Variants in ARMC2 observed in about 807,000 individuals in gnomAD.
The protein encoded by ARMC2 is armadillo repeat containing 2.
ARMC2 carries 67 observed loss-of-function variants against 90.3 expected under a neutral mutation model. That is an observed-to-expected ratio of 0.74 (90% CI 0.61 to 0.91). The LOEUF (loss-of-function observed/expected upper bound fraction) is 0.91, where lower values mean the gene tolerates loss of function less well. Among genes scored for constraint, ARMC2 ranks in the 40% least tolerant of loss-of-function variants. ARMC2 has a pLI of 0.00. For synonymous variants in ARMC2, 393 were observed against 393.0 expected (o/e 1.00, Z 0.00); for missense variants, 920 against 1,030.9 (o/e 0.89, Z 1.47).
At chr6:109,039,487 G>C in the ARMC2 span, among the ~76,000 whole-genome samples, 4 of 152,142 alleles carry the variant, frequency 2.6e-5, no homozygotes, top group East Asian at 5.8e-4. Flanking sequence ...CAACTTGGAG[G>C]CAAGAACATC....
chr6:109,000,771 G>T, the ARMC2 span: 1 of 1,047,192 alleles, frequency 9.5e-7, no homozygotes, highest in Non-Finnish European at 1.2e-6. Flanking sequence ...AAGTTTATTA[G>T]TATGTTTTCA....
downstream of ARMC2, among the ~76,000 whole-genome samples, chr6:108,974,856 C>A (rs1778953128): frequency 1.3e-5 from 2 of 152,098 alleles, no homozygotes; most frequent in Non-Finnish European, 2.9e-5. Flanking sequence ...GGGCATATCA[C>A]CTGAGGTCGT....
chr6:108,968,206 A>G (rs1778510310), intron 17 of ARMC2, among the ~76,000 whole-genome samples: 2 of 152,142 alleles, frequency 1.3e-5, no homozygotes, highest in African/African-American at 4.8e-5. Flanking sequence ...TGTTTATTCT[A>G]TTTTTGAAAG....
intron 5 of ARMC2, among the ~76,000 whole-genome samples, chr6:108,887,288 A>G (rs1770464360): frequency 6.6e-6 from 1 of 152,196 alleles, no homozygotes; most frequent in Non-Finnish European, 1.5e-5. Flanking sequence ...TATTGTCCAC[A>G]TGATTGACTC....
At chr6:109,020,981 C>T in the ARMC2 span, among the ~76,000 whole-genome samples, 1 of 152,134 alleles carries the variant, frequency 6.6e-6, no homozygotes, top group African/African-American at 2.4e-5. Flanking sequence ...ATCTCCTTCA[C>T]CCACCATTTT....
At chr6:109,039,788 G>T in the ARMC2 span, among the ~76,000 whole-genome samples, 1 of 152,206 alleles carries the variant, frequency 6.6e-6, no homozygotes, top group African/African-American at 2.4e-5. Context: ...TAAGAACCTT[G>T]TTGATCTTTC....
At chr6:109,008,982 T>C in the ARMC2 span, 1 of 1,011,228 alleles carries the variant, frequency 9.9e-7, no homozygotes, top group Non-Finnish European at 1.2e-6. Context: ...ATCCACAGGC[T>C]GTTTCACCCT....
chr6:108,982,058 T>C, the ARMC2 span, among the ~76,000 whole-genome samples: 4 of 152,206 alleles, frequency 2.6e-5, no homozygotes, highest in African/African-American at 9.6e-5. Context: ...AACATTTGGG[T>C]TGCCTCCATA....
intron 5 of ARMC2, among the ~76,000 whole-genome samples, chr6:108,885,694 A>C (rs1351535635): frequency 1.3e-5 from 2 of 152,088 alleles, no homozygotes; most frequent in African/African-American, 4.8e-5. Context: ...AGAAAAGAAA[A>C]GAAAAGAAAA....
chr6:108,980,254 G>A, the ARMC2 span, among the ~76,000 whole-genome samples: 2 of 152,086 alleles, frequency 1.3e-5, no homozygotes. Flanking sequence ...CCCCTCTGCT[G>A]CAGTTCTGCT....
At chr6:108,880,836 T>A (rs1353162271) in intron 5 of ARMC2, among the ~76,000 whole-genome samples, 2 of 150,444 alleles carry the variant, frequency 1.3e-5, no homozygotes, top group Non-Finnish European at 3.0e-5. Flanking sequence ...CTTTTCTCCC[T>A]CCTTCCTTCC....
intron 5 of ARMC2, among the ~76,000 whole-genome samples, chr6:108,887,240 C>G (rs1398037853): frequency 1.3e-5 from 2 of 151,964 alleles, no homozygotes; most frequent in Non-Finnish European, 2.9e-5. Context: ...AAGAAATATA[C>G]TTGTATTTCT....
intron 12 of ARMC2, among the ~76,000 whole-genome samples, chr6:108,946,969 G>A (rs1325867862): frequency 3.3e-5 from 5 of 152,208 alleles, no homozygotes; most frequent in African/African-American, 7.2e-5. Flanking sequence ...AAGTGGTTGC[G>A]TGGGGCCAGA....
chr6:108,940,750 T>C (rs1316283772), intron 12 of ARMC2, among the ~76,000 whole-genome samples: 2 of 152,114 alleles, frequency 1.3e-5, no homozygotes, highest in East Asian at 1.9e-4. Flanking sequence ...AAGAAATTAT[T>C]TGGGGGCTGC....
At chr6:108,934,410 G>C (rs1408880807) in intron 11 of ARMC2, among the ~76,000 whole-genome samples, 2 of 152,034 alleles carry the variant, frequency 1.3e-5, no homozygotes, top group Admixed American at 6.6e-5. Flanking sequence ...CTAATATTTT[G>C]TTTAGGATTT....
chr6:108,931,477 T>C (rs912019722), intron 11 of ARMC2, among the ~76,000 whole-genome samples: 2 of 151,992 alleles, frequency 1.3e-5, no homozygotes, highest in Non-Finnish European at 2.9e-5. Context: ...GTTCTGCTTT[T>C]AGCTCATTGT....
intron 8 of ARMC2, among the ~76,000 whole-genome samples, chr6:108,910,437 C>T (rs570294209): frequency 4.0e-5 from 6 of 151,830 alleles, no homozygotes; most frequent in South Asian, 2.1e-4. Flanking sequence ...CCAGCCTGGG[C>T]GAAAGAGCAA....
chr6:109,006,247 A>C, the ARMC2 span, among the ~76,000 whole-genome samples: 1 of 152,234 alleles, frequency 6.6e-6, no homozygotes, highest in African/African-American at 2.4e-5. Flanking sequence ...TCTATGAAGC[A>C]GGTACTATTA....
intron 3 of ARMC2, among the ~76,000 whole-genome samples, chr6:108,864,301 TGCAGTGGCATGATCTCA>T (rs1229089736): frequency 2.0e-5 from 3 of 147,344 alleles, no homozygotes; most frequent in Admixed American, 7.0e-5. Context: ...CAGGCTGGAG[TGCAGTGGCATGATCTCA>T]GCTCACTGCA....
Sources: allele counts gnomAD v4.1 joint callset (sites outside exome capture counted in the v4.1 genomes callset), GRCh38; gene constraint gnomAD v4.1.1; transcripts MANE v1.5; gene names NCBI Gene and HGNC (gene_info 2026-07-23, HGNC 2026-07-21).